The following TRABD2B variants were observed in gnomAD, a reference collection of about 807,000 sequenced individuals.
The protein encoded by TRABD2B is TraB domain containing 2B.
Under a neutral mutation model 40.1 loss-of-function variants are expected in TRABD2B, and 14 were observed. That is an observed-to-expected ratio of 0.35 (90% confidence interval 0.23 to 0.55). TRABD2B has a LOEUF of 0.55. Among genes scored for constraint, TRABD2B ranks in the 20% least tolerant of loss-of-function variants. TRABD2B has a pLI of 0.90. For missense variants in TRABD2B, 541 were observed against 648.6 expected, an observed-to-expected ratio of 0.83 and a Z score of 1.80; for synonymous variants, 263 against 277.0, an observed-to-expected ratio of 0.95 and a Z score of 0.50.
chr1:47,926,993 G>C (rs1644978730), intron 2 of TRABD2B, among the ~76,000 whole-genome samples: 1 of 152,230 alleles, frequency 6.6e-6, no homozygotes, highest in Non-Finnish European at 1.5e-5. Flanking sequence ...TCTATACACA[G>C]GCACTATGGT....
rs1644278587 is a variant in TRABD2B, at chr1:47,764,492, C to G, written c.*1410G>C. On this transcript the variant is annotated 3_prime_UTR_variant, in exon 7 of 7. Transcript: ENST00000606738. ...CTCGGAGTCCCTGTCACCTGCCTCC[C>G]CACTTGGCTGCTGTGCCTCCCCAGG... 1 of 152,294 alleles carries G rather than the reference C, an allele frequency of 6.6e-6. No individual in the cohort carries two copies. The highest frequency in any genetic ancestry group is 1.5e-5 in the Non-Finnish European group (1 of 68,124). 9.4% of individuals were successfully genotyped at this position (152,294 alleles called of 1,614,324 possible). A position where few individuals can be genotyped will look rare whatever the true frequency, so the allele number is the denominator to read the frequency against.
At chr1:47,824,765 T>C (rs1645153394) in intron 2 of TRABD2B, among the ~76,000 whole-genome samples, 1 of 152,172 alleles carries the variant, frequency 6.6e-6, no homozygotes, top group African/African-American at 2.4e-5. Flanking sequence ...CTGTGTTCCA[T>C]TGTTTCCGGG....
intron 2 of TRABD2B, among the ~76,000 whole-genome samples, chr1:47,870,611 C>T (rs1389820957): frequency 2.6e-5 from 4 of 152,202 alleles, no homozygotes; most frequent in Non-Finnish European, 4.4e-5. Flanking sequence ...CATGCATTGC[C>T]CACATCACCT....
At chr1:47,956,319 A>G (rs1401250249) in intron 2 of TRABD2B, among the ~76,000 whole-genome samples, 2 of 152,186 alleles carry the variant, frequency 1.3e-5, no homozygotes, top group African/African-American at 4.8e-5. Flanking sequence ...TGATTTCTGC[A>G]TTTCCAACTA....
intron 2 of TRABD2B, 105 bp from the exon 3 acceptor site, chr1:47,801,724 C>T (rs1569980757): frequency 7.3e-7 from 1 of 1,370,680 alleles, no homozygotes; most frequent in East Asian, 2.5e-5. Flanking sequence ...AGGCCTGAAA[C>T]AGAGAAGGTG....
intron 2 of TRABD2B, among the ~76,000 whole-genome samples, chr1:47,843,374 C>A (rs995624981): frequency 6.6e-6 from 1 of 152,132 alleles, no homozygotes; most frequent in Non-Finnish European, 1.5e-5. Context: ...AAGGTAGAGC[C>A]AATAGGGTCT....
chr1:47,930,972 C>CA (rs1260239783), intron 2 of TRABD2B, among the ~76,000 whole-genome samples: 3 of 152,186 alleles, frequency 2.0e-5, no homozygotes, highest in Admixed American at 1.3e-4. Context: ...CAATCTGTGA[C>CA]ACTGACATTC....
intron 2 of TRABD2B, among the ~76,000 whole-genome samples, chr1:47,979,305 A>G (rs758875446): frequency 6.6e-6 from 1 of 152,250 alleles, no homozygotes; most frequent in Non-Finnish European, 1.5e-5. Context: ...GCCAGGTGTC[A>G]GGGAAACCCA....
intron 2 of TRABD2B, among the ~76,000 whole-genome samples, chr1:47,978,238 T>A (rs2148437185): frequency 6.6e-6 from 1 of 152,270 alleles, no homozygotes; most frequent in African/African-American, 2.4e-5. Flanking sequence ...CATGGCACCA[T>A]CCGTGAACCA....
chr1:47,926,738 A>C (rs1644974294), intron 2 of TRABD2B, among the ~76,000 whole-genome samples: 1 of 152,146 alleles, frequency 6.6e-6, no homozygotes, highest in Admixed American at 6.5e-5. Context: ...TTTTAGAGGA[A>C]GGAGGCCAAG....
At chr1:47,949,269 G>C (rs570990572) in intron 2 of TRABD2B, among the ~76,000 whole-genome samples, 152 of 152,204 alleles carry the variant, frequency 1.0e-3, no homozygotes, top group Non-Finnish European at 1.5e-3. Context: ...CTGAGGCCCA[G>C]AGAGCTGAGT....
intron 2 of TRABD2B, among the ~76,000 whole-genome samples, chr1:47,910,876 C>G (rs561768206): frequency 9.9e-5 from 15 of 152,202 alleles, no homozygotes; most frequent in Non-Finnish European, 2.1e-4. Flanking sequence ...TCTCCTCTCA[C>G]AGTTAAGTGT....
At chr1:47,790,706 G>A (rs11588914) in intron 4 of TRABD2B, among the ~76,000 whole-genome samples, 16,591 of 152,262 alleles carry the variant, frequency 0.11, 1,263 homozygotes, top group Non-Finnish European at 0.16. Context: ...TGAGGAAGCC[G>A]TTCATCTTCC....
chr1:47,866,130 C>T (rs1410601145), intron 2 of TRABD2B, among the ~76,000 whole-genome samples: 2 of 151,858 alleles, frequency 1.3e-5, no homozygotes, highest in Non-Finnish European at 2.9e-5. Context: ...GAAGGTGAGC[C>T]CTGTCCATGT....
intron 2 of TRABD2B, among the ~76,000 whole-genome samples, chr1:47,829,330 C>T (rs749915967): frequency 1.3e-5 from 2 of 152,084 alleles, no homozygotes; most frequent in Non-Finnish European, 2.9e-5. Context: ...GGGAGAGGGG[C>T]TCAGTTAGGG....
At chr1:47,968,751 G>A (rs1645639085) in intron 2 of TRABD2B, among the ~76,000 whole-genome samples, 2 of 152,154 alleles carry the variant, frequency 1.3e-5, no homozygotes, top group Non-Finnish European at 2.9e-5. Context: ...TATTTCCACA[G>A]CACACATTAC....
intron 2 of TRABD2B, among the ~76,000 whole-genome samples, chr1:47,817,839 G>A (rs1645055084): frequency 6.6e-6 from 1 of 152,190 alleles, no homozygotes; most frequent in Non-Finnish European, 1.5e-5. Context: ...AGGGGCCGTG[G>A]GCCCAGGAGC....
At position 47,994,717 on chromosome 1, in the gene TRABD2B, G is replaced by A. The variant is rs192748677; in HGVS notation, c.103-120C>T. The stretch of plus-strand genomic sequence containing the variant: ...GGGAGGCAGAGACCATACACAGGCC[G>A]TGGTAAAGAGCCAGGTCTTTGGAGC... On this transcript the variant is annotated intron_variant, in intron 1 of 6. Transcript: ENST00000606738. This position sits in a 1 kb window ranked among gnomAD's most constrained non-coding sequence, Gnocchi z 6.7. 5.8e-6 allele frequency: 5 copies of A among 867,202 alleles called. No homozygotes were observed. The highest frequency in any genetic ancestry group is 5.3e-5 in the East Asian group (2 of 37,484). 53.7% of individuals were successfully genotyped at this position (867,202 alleles called of 1,614,324 possible).
At chr1:47,767,362 G>C (rs1187294283) in intron 6 of TRABD2B, among the ~76,000 whole-genome samples, 3 of 152,206 alleles carry the variant, frequency 2.0e-5, no homozygotes, top group Admixed American at 2.0e-4. Flanking sequence ...CCGGAAGCAG[G>C]GAGGCCACAG....
Sources: gnomAD v4.1 joint callset for allele counts (sites outside exome capture counted in the v4.1 genomes callset) on GRCh38, gnomAD v4.1.1 for gene constraint, Gnocchi (gnomAD v3.1) non-coding constraint, MANE v1.5 for transcripts, NCBI Gene and HGNC (gene_info 2026-07-23, HGNC 2026-07-21) for gene names.